Variants in MGAM observed in about 807,000 individuals in gnomAD.
The protein encoded by MGAM is alpha-1,4-glucosidase.
In MGAM, 253 loss-of-function variants were observed where a neutral mutation model predicts 358.8. The ratio of observed to expected loss-of-function variants is 0.71; its 90% confidence interval spans 0.64 to 0.78. The LOEUF is 0.78. Among genes scored for constraint, MGAM ranks in the 30% least tolerant of loss-of-function variants. The pLI, the probability that MGAM is intolerant of heterozygous loss-of-function variation, is 0.00. For synonymous variants in MGAM, 1,105 were observed against 1,227.1 expected (o/e 0.90, Z 2.08); for missense variants, 3,080 against 3,432.6 (o/e 0.90, Z 2.57).
At chr7:142,045,513 A>T (rs1282565864) in intron 21 of MGAM, among the ~76,000 whole-genome samples, 1 of 108,096 alleles carries the variant, frequency 9.3e-6, no homozygotes, top group Non-Finnish European at 1.6e-5. Flanking sequence ...TATTACATAT[A>T]CATATAATAT....
chr7:142,097,473 G>C, intron 65 of MGAM, 120 bp from the exon 66 acceptor site: 1 of 935,184 alleles, frequency 1.1e-6, no homozygotes, highest in Non-Finnish European at 1.7e-6. Flanking sequence ...GTGACCTCCT[G>C]GGACATGAGG....
At chr7:142,012,960 A>G (rs1163218203) in intron 3 of MGAM, among the ~76,000 whole-genome samples, 1 of 152,142 alleles carries the variant, frequency 6.6e-6, no homozygotes, top group Non-Finnish European at 1.5e-5. Flanking sequence ...AGTTCTCTTA[A>G]ATACCACACC....
rs1436393033 is a variant in MGAM, at chr7:142,093,328, G to A, written c.7034-84G>A. ...CAGGCAGGACTGAAGTTAGTCTTAA[G>A]ATCCAGGGCCCAGTCCCTTGAAGAG... On this transcript the variant is annotated intron_variant, in intron 59 of 70. Transcript: ENST00000475668. 5 of 1,439,054 alleles carry A rather than the reference G, an allele frequency of 3.5e-6. 1 individual carries two copies. Among genetic ancestry groups the A allele is most frequent in the Non-Finnish European group, 4.7e-6 (5 of 1,055,868 alleles). 89.1% of individuals were successfully genotyped at this position (1,439,054 alleles called of 1,614,324 possible).
At chr7:142,061,248 A>T (rs1402708191) in intron 34 of MGAM, among the ~76,000 whole-genome samples, 1 of 152,158 alleles carries the variant, frequency 6.6e-6, no homozygotes, top group Non-Finnish European at 1.5e-5. Context: ...CGTATGGGAT[A>T]GAATTCTGAC....
rs376590212 is a variant in MGAM, at chr7:142,052,852, G to T, written c.3027G>T (p.Gln1009His). Residue 1009 changes from glutamine to histidine, a missense_variant, in exon 26 of 71, where the codon CAG becomes CAT. Transcript: ENST00000475668. ...ACCTATACTCTGTCAGTGATGTTCA[G>T]TATAATTCCCATGGGGCCACAGCTG... ...VNDLYSVSDV[Q>H]YNSHGATADI... 6.2e-7 allele frequency: 1 copy of T among 1,613,878 alleles called. No individual in the cohort carries two copies. The highest frequency in any genetic ancestry group is 8.5e-7 in the Non-Finnish European group (1 of 1,179,846).
intron 21 of MGAM, among the ~76,000 whole-genome samples, chr7:142,043,810 C>T (rs186623614): frequency 3.4e-5 from 3 of 88,370 alleles, no homozygotes; most frequent in African/African-American, 6.2e-5. Flanking sequence ...ACATTATATA[C>T]ACATACGACG....
At chr7:142,033,182 G>A (rs537982671) in intron 14 of MGAM, among the ~76,000 whole-genome samples, 1 of 152,224 alleles carries the variant, frequency 6.6e-6, no homozygotes, top group South Asian at 2.1e-4. Flanking sequence ...AAGTGTAGAG[G>A]CCAGAGGCTA....
chr7:142,052,250 G>A (rs564325427), intron 24 of MGAM, 44 bp from the exon 25 acceptor site: 2 of 1,513,232 alleles, frequency 1.3e-6, no homozygotes, highest in Non-Finnish European at 8.9e-7. Context: ...TGCAAAGCCT[G>A]TCTCCTAAAG....
At chr7:142,040,509 G>A (rs1808414789) in intron 20 of MGAM, 2 of 615,214 alleles carry the variant, frequency 3.3e-6, no homozygotes, top group East Asian at 2.8e-5. Context: ...ATATCAAATA[G>A]CCTCAGCATG....
chr7:142,019,342 G>A (rs373190169), intron 4 of MGAM, 23 bp downstream of exon 4: 2 of 1,608,870 alleles, frequency 1.2e-6, no homozygotes, highest in East Asian at 2.2e-5. Context: ...CTGCCATGAT[G>A]CAGGAGGTCC....
At chr7:142,088,868 T>C (rs1199899909) in intron 57 of MGAM, among the ~76,000 whole-genome samples, 6 of 138,642 alleles carry the variant, frequency 4.3e-5, no homozygotes, top group African/African-American at 1.5e-4. Flanking sequence ...TATCTATCTA[T>C]CTAATCTATC....
intron 34 of MGAM, among the ~76,000 whole-genome samples, chr7:142,061,191 TA>T (rs1812161422): frequency 6.6e-6 from 1 of 152,166 alleles, no homozygotes; most frequent in Non-Finnish European, 1.5e-5. Context: ...GAGCAGTACT[TA>T]GGGAAGTTCC....
At chr7:142,017,169 C>T (rs1806037321) in intron 3 of MGAM, among the ~76,000 whole-genome samples, 1 of 152,026 alleles carries the variant, frequency 6.6e-6, no homozygotes, top group South Asian at 2.1e-4. Flanking sequence ...CGAGGATTTC[C>T]ACACTCCCCA....
intron 1 of MGAM, among the ~76,000 whole-genome samples, chr7:141,997,222 C>T (rs565989702): frequency 1.3e-5 from 2 of 152,024 alleles, no homozygotes; most frequent in Non-Finnish European, 2.9e-5. Context: ...CTTTGCTGGG[C>T]GAGGAAGACC....
At chr7:142,067,509 G>A in intron 42 of MGAM, 84 bp downstream of exon 42, 1 of 1,157,032 alleles carries the variant, frequency 8.6e-7, no homozygotes, top group South Asian at 1.4e-5. Context: ...CTGAGCTGGT[G>A]GGGGTCCTGA....
intron 57 of MGAM, among the ~76,000 whole-genome samples, chr7:142,088,705 G>T (rs57099962): frequency 1.4e-4 from 16 of 115,172 alleles, no homozygotes; most frequent in East Asian, 5.4e-4. Context: ...TATCCATCCA[G>T]CCACCCTATT....
rs555704829 is a variant in MGAM, at chr7:142,066,540, C to T, written c.4771-33C>T. 156 of 1,548,474 alleles carry T rather than the reference C, an allele frequency of 1.0e-4. 31 individuals carry two copies. The highest frequency in any genetic ancestry group is 1.3e-4 in the Non-Finnish European group (144 of 1,129,674). The stretch of plus-strand genomic sequence containing the variant: ...CTTAAATCCCCTAGAAATTCCAGGG[C>T]GAGCTCCCAACACTGTTCTCTTTCT... On this transcript the variant is annotated intron_variant, in intron 40 of 70. Transcript: ENST00000475668.
chr7:142,078,320 C>T lies in MGAM; in HGVS notation c.5496C>T (p.Val1832=), dbSNP rs369487443. 30 of 1,467,202 alleles carry T rather than the reference C, an allele frequency of 2.0e-5. 3 individuals carry two copies. The highest frequency in any genetic ancestry group is 8.2e-5 in the African/African-American group (6 of 72,812). 90.9% of individuals were successfully genotyped at this position (1,467,202 alleles called of 1,614,324 possible). Residue 1832 remains valine (V), a splice_region_variant and synonymous_variant, in exon 48 of 71, where the codon GTC becomes GTT. Transcript: ENST00000475668. ...TTGTGATTTCTGCATTCCTACAGGT[C>T]GCCATTATCACAGACATCAATCTTT... is the stretch of plus-strand genomic sequence containing the variant. The part of the protein sequence containing the change: ...PTVTYDSNLK[V]AIITDINLFL...
chr7:142,017,137 CT>C (rs1163204391), intron 3 of MGAM, among the ~76,000 whole-genome samples: 3 of 152,170 alleles, frequency 2.0e-5, no homozygotes, highest in African/African-American at 7.2e-5. Flanking sequence ...ATAAACATGT[CT>C]TTTTTCTTAA....
Sources: gnomAD v4.1 joint callset for allele counts (sites outside exome capture counted in the v4.1 genomes callset) on GRCh38, gnomAD v4.1.1 for gene constraint, MANE v1.5 for transcripts, NCBI Gene and HGNC (gene_info 2026-07-23, HGNC 2026-07-21) for gene names.